PRKN: variants seen among roughly 807,000 people sequenced by gnomAD.
The protein encoded by PRKN is E3 ubiquitin-protein ligase parkin.
A neutral mutation model predicts 59.5 loss-of-function variants in PRKN; 56 were observed. The observed-to-expected ratio is 0.94, with a 90% CI of 0.76 to 1.18. The LOEUF (loss-of-function observed/expected upper bound fraction) is 1.18, where lower values mean the gene tolerates loss of function less well. Ranked by LOEUF, PRKN falls within the 50% of genes most tolerant of loss-of-function variation. The pLI is 0.00. For synonymous variants in PRKN, 250 were observed against 222.1 expected (o/e 1.13, Z -1.12); for missense variants, 657 against 596.4 (o/e 1.10, Z -1.06).
Position 161,527,297 on chromosome 6 carries a change from C to T in PRKN, c.1083+21557G>A, listed in dbSNP as rs1779049427. 1.3e-5 allele frequency among the ~76,000 whole-genome samples: 2 copies of T among 152,150 alleles called. No individual in the cohort carries two copies. Among genetic ancestry groups the T allele is most frequent in the African/African-American group, 4.8e-5 (2 of 41,430 alleles). On this transcript the variant is annotated intron_variant, in intron 9 of 11. Transcript: ENST00000366898. This position sits in a 1 kb window ranked among gnomAD's most constrained non-coding sequence, Gnocchi z 4.6. The stretch of plus-strand genomic sequence containing the variant: ...GGGGTGGCATGTTCTGGTCTCCTAC[C>T]ATCATATTTTGGGGTGAAGTGTCTT...
chr6:162,187,571 C>A (rs1477074801), intron 4 of PRKN, among the ~76,000 whole-genome samples: 6 of 152,120 alleles, frequency 3.9e-5, no homozygotes, highest in African/African-American at 1.4e-4. Flanking sequence ...AATGCAGGCC[C>A]AGCAGGAGTA....
At chr6:162,193,949 A>T (rs1330710429) in intron 4 of PRKN, among the ~76,000 whole-genome samples, 1 of 152,172 alleles carries the variant, frequency 6.6e-6, no homozygotes, top group Non-Finnish European at 1.5e-5. Flanking sequence ...CTGGAAATTC[A>T]ATATAAAATA....
intron 2 of PRKN, among the ~76,000 whole-genome samples, chr6:162,384,072 T>C (rs1312892041): frequency 2.0e-5 from 3 of 152,178 alleles, no homozygotes; most frequent in Non-Finnish European, 4.4e-5. Flanking sequence ...ACCACTAAAA[T>C]GTTCTCCACA....
chr6:162,008,972 T>C (rs1782372266), intron 5 of PRKN, among the ~76,000 whole-genome samples: 1 of 151,858 alleles, frequency 6.6e-6, no homozygotes. Flanking sequence ...AGGTGAGGTG[T>C]GGCCAAGCGC....
intron 3 of PRKN, among the ~76,000 whole-genome samples, chr6:162,248,733 A>G (rs1436447446): frequency 6.6e-6 from 1 of 152,200 alleles, no homozygotes; most frequent in East Asian, 1.9e-4. Context: ...TAATTACACA[A>G]GAACAAATGA....
intron 7 of PRKN, among the ~76,000 whole-genome samples, chr6:161,731,156 C>T (rs1004045703): frequency 2.0e-4 from 31 of 152,066 alleles, no homozygotes; most frequent in African/African-American, 7.5e-4. Context: ...ATATGTTGCA[C>T]TCTGATGTGT....
chr6:161,994,637 A>G (rs1469950708), intron 5 of PRKN, among the ~76,000 whole-genome samples: 1 of 152,130 alleles, frequency 6.6e-6, no homozygotes, highest in Admixed American at 6.6e-5. Context: ...CAAAATCAAC[A>G]TGCAAAAATC....
intron 7 of PRKN, among the ~76,000 whole-genome samples, chr6:161,589,133 T>C (rs1781624066): frequency 6.6e-6 from 1 of 152,200 alleles, no homozygotes; most frequent in Admixed American, 6.5e-5. Flanking sequence ...GTATACGGCA[T>C]GCCGTCAAGA....
chr6:162,214,062 C>T (rs1305642942), intron 3 of PRKN, among the ~76,000 whole-genome samples: 1 of 151,890 alleles, frequency 6.6e-6, no homozygotes, highest in Non-Finnish European at 1.5e-5. Context: ...CAGACACATC[C>T]CCTATCTCTC....
chr6:162,394,436 G>C (rs1787372594), intron 2 of PRKN, among the ~76,000 whole-genome samples: 1 of 152,132 alleles, frequency 6.6e-6, no homozygotes, highest in African/African-American at 2.4e-5. Flanking sequence ...CTGAGTACTC[G>C]ATGTAATTGT....
At chr6:162,357,843 TA>T (rs1784941308) in intron 2 of PRKN, among the ~76,000 whole-genome samples, 1 of 152,176 alleles carries the variant, frequency 6.6e-6, no homozygotes, top group Non-Finnish European at 1.5e-5. Context: ...AACTAAAAGA[TA>T]TTTGGAAAAA....
At chr6:161,950,683 T>C (rs1181122250) in intron 6 of PRKN, among the ~76,000 whole-genome samples, 4 of 152,290 alleles carry the variant, frequency 2.6e-5, no homozygotes, top group East Asian at 1.9e-4. Context: ...GGTATGGCGT[T>C]GTAGGGACTG....
chr6:161,872,087 C>T (rs529131883), intron 6 of PRKN, among the ~76,000 whole-genome samples: 3 of 152,236 alleles, frequency 2.0e-5, no homozygotes, highest in African/African-American at 7.2e-5. Flanking sequence ...CATTTCAGCC[C>T]TATTTAGCTT....
intron 5 of PRKN, among the ~76,000 whole-genome samples, chr6:161,991,273 T>C (rs1781635499): frequency 1.3e-5 from 2 of 152,006 alleles, no homozygotes; most frequent in Admixed American, 1.3e-4. Context: ...AAAAGGACAA[T>C]ATGTACCATC....
chr6:161,394,195 A>T (rs1786642893), intron 9 of PRKN, among the ~76,000 whole-genome samples: 1 of 152,244 alleles, frequency 6.6e-6, no homozygotes, highest in South Asian at 2.1e-4. Context: ...TTTCCTTTCA[A>T]GTACACAACA....
intron 6 of PRKN, among the ~76,000 whole-genome samples, chr6:161,806,854 GT>G (rs1459743230): frequency 6.6e-6 from 1 of 152,176 alleles, no homozygotes; most frequent in Non-Finnish European, 1.5e-5. Context: ...ATATTAAGCT[GT>G]AAAGAGAGTC....
chr6:162,086,360 A>T (rs918383574), intron 4 of PRKN, among the ~76,000 whole-genome samples: 1 of 152,166 alleles, frequency 6.6e-6, no homozygotes, highest in Non-Finnish European at 1.5e-5. Context: ...GCAAAAGAGG[A>T]AACAAGCAGG....
rs146332647 is a variant in PRKN at position 161,770,640 on chromosome 6, G to A, written c.871+15132C>T. Among the ~76,000 whole-genome samples, 1,224 of 152,022 alleles carry A rather than the reference G, an allele frequency of 8.1e-3. 23 individuals are homozygous for A. Among genetic ancestry groups the A allele is most frequent in the South Asian group, 0.037 (180 of 4,804 alleles). ...GCACCACCACGCCCAACTAATTTTTGTATTTTTAGTAAAGACGGGATTTCA... is the reference window on the plus strand; with the variant it reads ...GCACCACCACGCCCAACTAATTTTTATATTTTTAGTAAAGACGGGATTTCA... On this transcript the variant is annotated intron_variant, in intron 7 of 11. Coordinates refer to ENST00000366898, the MANE Select transcript of PRKN (RefSeq NM_004562.3).
chr6:162,659,139 TTC>T (rs1194830714), intron 1 of PRKN, among the ~76,000 whole-genome samples: 2 of 152,176 alleles, frequency 1.3e-5, no homozygotes, highest in East Asian at 1.9e-4. Flanking sequence ...TATAATACCT[TTC>T]TTAGTTACAT....
Sources: gnomAD v4.1 joint callset for allele counts (sites outside exome capture counted in the v4.1 genomes callset) on GRCh38, gnomAD v4.1.1 for gene constraint, Gnocchi (gnomAD v3.1) non-coding constraint, MANE v1.5 for transcripts, NCBI Gene and HGNC (gene_info 2026-07-23, HGNC 2026-07-21) for gene names.